The following ABCA3 variants were observed in gnomAD, a reference collection of about 807,000 sequenced individuals.
ABCA3 encodes the protein phospholipid-transporting ATPase ABCA3.
ABCA3 carries 88 observed loss-of-function variants against 172.8 expected under a neutral mutation model. The observed-to-expected ratio is 0.51, with a 90% confidence interval of 0.43 to 0.61. The LOEUF (loss-of-function observed/expected upper bound fraction) is 0.61, where lower values mean the gene tolerates loss of function less well. Ranked by LOEUF, ABCA3 falls within the 20% of genes least tolerant of loss-of-function variation. ABCA3 has a pLI of 0.00. For missense variants in ABCA3, 2,164 were observed against 2,301.0 expected (o/e 0.94, Z 1.22); for synonymous variants, 1,066 against 983.8 (o/e 1.08, Z -1.56).
rs373245476 is a variant in ABCA3, at chr16:2,276,226, C to T, written c.*448G>A. Reference sequence around the variant, plus strand: ...AGTGATCTGCATGGTCCATTCCTGGCGGCCTGGGGGCCTCGCTACAGTTCA... The same window carrying T: ...AGTGATCTGCATGGTCCATTCCTGGTGGCCTGGGGGCCTCGCTACAGTTCA... On this transcript the variant is annotated 3_prime_UTR_variant, in exon 33 of 33. Transcript: ENST00000301732. 16 of 441,578 alleles carry T rather than the reference C, an allele frequency of 3.6e-5. No individual in the cohort carries two copies. Among genetic ancestry groups the T allele is most frequent in the East Asian group, 7.0e-5 (1 of 14,300 alleles). The allele number at this position is 441,578 out of a possible 1,614,324, so 27.4% of individuals were successfully genotyped here.
rs752330888 is a variant in ABCA3, at chr16:2,323,629, G to A, written c.507C>T (p.Gly169=). The A allele has an allele frequency of 1.2e-6, 2 of 1,614,142 alleles. No individual in the cohort carries two copies. Among genetic ancestry groups the A allele is most frequent in the Non-Finnish European group, 1.7e-6 (2 of 1,180,030 alleles). Residue 169 remains glycine (G), a synonymous_variant, in exon 7 of 33, where the codon GGC becomes GGT. Transcript: ENST00000301732. The part of the protein sequence containing the change: ...TRRNYMWTQT[G]SFFLKETEGW... ...CTTCTGTCTCTTTCAGGAAAAAGGA[G>A]CCTGTTTGGGTCCACATGTAATTTC...
intron 20 of ABCA3, 126 bp from the exon 21 acceptor site, chr16:2,288,455 G>A (rs916406702): frequency 2.7e-5 from 31 of 1,141,312 alleles, no homozygotes; most frequent in Non-Finnish European, 3.3e-5. Flanking sequence ...GGTTGCACCG[G>A]AGACTCCCAG....
rs2093682195 is a variant in ABCA3 at position 2,297,739 on chromosome 16, C to G, written c.2052+27G>C. 1 of 1,607,370 alleles carries G rather than the reference C, an allele frequency of 6.2e-7. No homozygotes were observed. The highest frequency in any genetic ancestry group is 8.5e-7 in the Non-Finnish European group (1 of 1,179,966). On this transcript the variant is annotated intron_variant, in intron 16 of 32. Coordinates refer to ENST00000301732, the MANE Select transcript of ABCA3 (RefSeq NM_001089.3). The surrounding 1 kb of genome is among the most constrained non-coding windows in gnomAD (Gnocchi z 5.6). ...ATCCCAGGTCGAGCAGGAGGGGAAC[C>G]CACTGCCTCCAGTCCCACCGCCACA...
intron 17 of ABCA3, among the ~76,000 whole-genome samples, chr16:2,296,671 G>GT (rs1350097632): frequency 1.3e-5 from 2 of 152,228 alleles, no homozygotes; most frequent in Non-Finnish European, 2.9e-5. Context: ...AACGCCTGCT[G>GT]TCCTCCCTCT....
At chr16:2,325,863 G>C in intron 5 of ABCA3, 147 bp downstream of exon 5, 1 of 1,089,244 alleles carries the variant, frequency 9.2e-7, no homozygotes, top group Non-Finnish European at 1.4e-6. Flanking sequence ...ACAGGTTGAA[G>C]TAGTGATGCG....
At position 2,276,600 on chromosome 16, in the gene ABCA3, T is replaced by TG. The variant is rs1248939949; in HGVS notation, c.*73dup. Reference sequence around the variant, plus strand: ...TTAAAAATAAAGGATGAGATAAACTTGGAGAGAGAGGATGTAAGATGGGCC... The same window carrying TG: ...TTAAAAATAAAGGATGAGATAAACTTGGGAGAGAGAGGATGTAAGATGGGCC... On this transcript the variant is annotated 3_prime_UTR_variant, in exon 33 of 33. Transcript: ENST00000301732. 6.3e-7 allele frequency: 1 copy of TG among 1,591,516 alleles called. No individual in the cohort carries two copies. The highest frequency in any genetic ancestry group is 1.7e-5 in the Admixed American group (1 of 59,124).
At position 2,304,088 on chromosome 16, in the gene ABCA3, C is replaced by G. The variant is rs377714049; in HGVS notation, c.1348G>C (p.Gly450Arg). The G allele has an allele frequency of 6.2e-7, 1 of 1,614,024 alleles. No homozygotes were observed. The highest frequency in any genetic ancestry group is 1.3e-5 in the African/African-American group (1 of 74,906). Residue 450 changes from glycine to arginine, a missense_variant, in exon 12 of 33, where the codon GGG becomes CGG. Gly to Arg is a moderately radical substitution (Grantham distance 125). Transcript: ENST00000301732. ...AGCAGCAGCATCCCCAGCACCTGCC[C>G]GAAGCAGAAGTCGTCGTCCACGTTG... ...PVNVDDDFCFGQVLGMLLLDS... is the reference protein window; with the variant it reads ...PVNVDDDFCFRQVLGMLLLDS...
chr16:2,277,757 C>T lies in ABCA3; in HGVS notation c.4910-87G>A. On this transcript the variant is annotated intron_variant, in intron 31 of 32. Transcript: ENST00000301732. This position sits in a 1 kb window ranked among gnomAD's most constrained non-coding sequence, Gnocchi z 5.3. ...GGGTGCTCAGCACTGGAGTCCTCGT[C>T]CCAGGGATTGGGGAGATGGGACTTG... 3.1e-6 allele frequency: 5 copies of T among 1,596,504 alleles called. No individual in the cohort carries two copies. The highest frequency in any genetic ancestry group is 4.3e-6 in the Non-Finnish European group (5 of 1,169,836).
intron 10 of ABCA3, among the ~76,000 whole-genome samples, chr16:2,310,721 A>C (rs1373649948): frequency 2.0e-5 from 3 of 151,836 alleles, no homozygotes; most frequent in Admixed American, 6.6e-5. Context: ...GGTTTTCGTC[A>C]TGTTGCCCAG....
chr16:2,322,014 G>A (rs989103875), intron 7 of ABCA3, among the ~76,000 whole-genome samples: 6 of 151,904 alleles, frequency 3.9e-5, no homozygotes, highest in Admixed American at 2.0e-4. Context: ...CCTGGCCAAC[G>A]TGGTGAAACC....
At chr16:2,323,310 T>C (rs988254992) in intron 7 of ABCA3, 23 of 643,420 alleles carry the variant, frequency 3.6e-5, no homozygotes, top group Non-Finnish European at 5.7e-5. Context: ...ACTGGGTATA[T>C]ACCCAAAGGA....
At chr16:2,298,299 C>T (rs950873759) in intron 15 of ABCA3, 87 bp downstream of exon 15, 2 of 1,583,770 alleles carry the variant, frequency 1.3e-6, no homozygotes, top group African/African-American at 2.7e-5. Context: ...TGGCTCCCTT[C>T]CTCCAGTTTA....
chr16:2,306,473 C>T (rs1340466565), intron 11 of ABCA3, among the ~76,000 whole-genome samples: 2 of 152,198 alleles, frequency 1.3e-5, no homozygotes, highest in East Asian at 1.9e-4. Context: ...GACAAAGCAA[C>T]GCTGGACACT....
rs993561747 is a variant in ABCA3 at position 2,292,140 on chromosome 16, C to G, written c.2513G>C (p.Arg838Pro). ...SITTMEEVFLRVGKLVDSSMD... is the reference protein window; with the variant it reads ...SITTMEEVFLPVGKLVDSSMD... Reference sequence around the variant, plus strand: ...TGGACGGAAATGCGCATTTACTGACCGAAGGAAGACTTCCTCCATGGTGGT... The same window carrying G: ...TGGACGGAAATGCGCATTTACTGACGGAAGGAAGACTTCCTCCATGGTGGT... Residue 838 changes from arginine to proline, a missense_variant and splice_region_variant, in exon 19 of 33, where the codon CGG becomes CCG. Arg to Pro is a moderately radical substitution (Grantham distance 103, BLOSUM62 -2). Around this residue, in one of 3 missense-constraint regions of ABCA3, gnomAD observed 1,343 missense variants for 1,369.6 expected, o/e 0.98. Coordinates refer to ENST00000301732, the MANE Select transcript of ABCA3 (RefSeq NM_001089.3). 2 of 1,610,940 alleles carry G rather than the reference C, an allele frequency of 1.2e-6. No homozygotes were observed. Among genetic ancestry groups the G allele is most frequent in the African/African-American group, 1.3e-5 (1 of 74,802 alleles).
chr16:2,298,616 C>T, intron 14 of ABCA3, 76 bp from the exon 15 acceptor site: 1 of 1,558,458 alleles, frequency 6.4e-7, no homozygotes, highest in South Asian at 1.1e-5. Flanking sequence ...ACCCCCCACC[C>T]CCTCTCTGTC....
At position 2,329,098 on chromosome 16, in the gene ABCA3, C is replaced by G. The variant is rs139516748; in HGVS notation, c.-331-341G>C. Among the ~76,000 whole-genome samples the G allele has an allele frequency of 3.3e-3, 501 of 150,618 alleles. 3 individuals are homozygous for G. The highest frequency in any genetic ancestry group is 0.011 in the African/African-American group (469 of 40,878). On this transcript the variant is annotated intron_variant, in intron 2 of 32. Transcript: ENST00000301732. Reference sequence around the variant, plus strand: ...TATTTACATGAAATACAACTGCAAACAGTTAAAAATTAATTTAAAATATGA... The same window carrying G: ...TATTTACATGAAATACAACTGCAAAGAGTTAAAAATTAATTTAAAATATGA...
chr16:2,310,656 A>G (rs1324067315), intron 10 of ABCA3, among the ~76,000 whole-genome samples: 38 of 151,350 alleles, frequency 2.5e-4, no homozygotes, highest in Non-Finnish European at 1.8e-4. Context: ...AGCTCGGACT[A>G]CAGGTATGCA....
chr16:2,276,823 G>A lies in ABCA3; in HGVS notation c.4984-18C>T, dbSNP rs1456927461. ...CCGAAAACCTTTGGGGAGCAGAAAAGTCACTGGTAGGAGAGAACAGGGCCC... is the reference window on the plus strand; with the variant it reads ...CCGAAAACCTTTGGGGAGCAGAAAAATCACTGGTAGGAGAGAACAGGGCCC... On this transcript the variant is annotated intron_variant, in intron 32 of 32. Coordinates refer to ENST00000301732, the MANE Select transcript of ABCA3 (RefSeq NM_001089.3). The A allele has an allele frequency of 2.5e-6, 4 of 1,613,340 alleles. No individual in the cohort carries two copies. The highest frequency in any genetic ancestry group is 3.4e-6 in the Non-Finnish European group (4 of 1,179,990).
intron 10 of ABCA3, 59 bp downstream of exon 10, chr16:2,317,224 C>T: frequency 1.2e-6 from 2 of 1,609,332 alleles, no homozygotes; most frequent in Non-Finnish European, 1.7e-6. Flanking sequence ...TGGGTTATTT[C>T]CATGCAGATG....
Sources: allele counts gnomAD v4.1 joint callset (sites outside exome capture counted in the v4.1 genomes callset), GRCh38; gene constraint gnomAD v4.1.1; regional missense constraint gnomAD v4.1.1; non-coding constraint Gnocchi (gnomAD v3.1); transcripts MANE v1.5; gene names NCBI Gene and HGNC (gene_info 2026-07-23, HGNC 2026-07-21).